The following NR4A3 variants were observed in gnomAD, a reference collection of about 807,000 sequenced individuals.
NR4A3 encodes the protein chondrosarcoma, extraskeletal myxoid, fused to EWS.
In NR4A3, 13 loss-of-function variants were observed where a neutral mutation model predicts 55.6. That is an observed-to-expected ratio of 0.23 (90% CI 0.15 to 0.37). The LOEUF (loss-of-function observed/expected upper bound fraction) is 0.37, where lower values mean the gene tolerates loss of function less well. Among genes scored for constraint, NR4A3 ranks in the 10% least tolerant of loss-of-function variants. NR4A3 has a pLI of 1.00. For synonymous variants in NR4A3, 342 were observed against 357.9 expected, an observed-to-expected ratio of 0.96 and a Z score of 0.50; for missense variants, 646 against 822.8, an observed-to-expected ratio of 0.79 and a Z score of 2.63.
chr9:99,842,128 A>G (rs200566051), intron 5 of NR4A3, among the ~76,000 whole-genome samples: 1 of 85,164 alleles, frequency 1.2e-5, no homozygotes, highest in Non-Finnish European at 2.6e-5. Flanking sequence ...TTTTTTTTTT[A>G]GTTATTTAAT....
chr9:99,833,197 A>G, intron 4 of NR4A3, 85 bp from the exon 5 acceptor site: 6 of 1,482,866 alleles, frequency 4.0e-6, no homozygotes, highest in Non-Finnish European at 5.4e-6. Flanking sequence ...GCTCAACTGT[A>G]ATGTGTTTTT....
At chr9:99,860,252 G>A (rs912237197) in intron 7 of NR4A3, among the ~76,000 whole-genome samples, 1 of 149,062 alleles carries the variant, frequency 6.7e-6, no homozygotes. Flanking sequence ...CTTCACATTT[G>A]TTCTGTTTGA....
intron 4 of NR4A3, 25 bp downstream of exon 4, chr9:99,832,843 A>G (rs1232087334): frequency 2.0e-6 from 3 of 1,471,662 alleles, no homozygotes; most frequent in Admixed American, 2.1e-5. Context: ...CTTTTTACCC[A>G]GTTTGCTTAT....
At chr9:99,827,926 G>A in intron 2 of NR4A3, 115 bp from the exon 3 acceptor site, 1 of 1,250,970 alleles carries the variant, frequency 8.0e-7, no homozygotes, top group Non-Finnish European at 1.1e-6. Context: ...AAGGAGGAGA[G>A]GATGACACTT....
In NR4A3 at chr9:99,828,776, T is replaced by TGCCGCTGGCCAAGAGGGCGGC. The variant is rs1296026031; in HGVS notation, c.735_755dup (p.Lys249_Ala255dup). 3 of 1,448,646 alleles carry TGCCGCTGGCCAAGAGGGCGGC rather than the reference T, an allele frequency of 2.1e-6. No individual in the cohort carries two copies. In the South Asian group the frequency reaches 4.0e-5, roughly 19 times the overall value. The allele number at this position is 1,448,646 out of a possible 1,614,324, so 89.7% of individuals were successfully genotyped here. A position where few individuals can be genotyped will look rare whatever the true frequency, so the allele number is the denominator to read the frequency against. On this transcript the variant is annotated inframe_insertion, in exon 3 of 8. Transcript: ENST00000395097. The surrounding 1 kb of genome is among the most constrained non-coding windows in gnomAD (Gnocchi z 7.7). ...GCGCTTGAGAGCCACCCGTACGGGC[T>TGCCGCTGGCCAAGAGGGCGGC]GCCGCTGGCCAAGAGGGCGGCCCCG...
Position 99,863,643 on chromosome 9 carries a change from A to G in NR4A3, c.1657A>G (p.Lys553Glu). 1 of 1,613,896 alleles carries G rather than the reference A, an allele frequency of 6.2e-7. No individual in the cohort carries two copies. Among genetic ancestry groups the G allele is most frequent in the Non-Finnish European group, 8.5e-7 (1 of 1,179,908 alleles). ...ITERHGLKEP[K>E]RVEELCNKIT... The stretch of plus-strand genomic sequence containing the variant: ...AGAAAGACATGGGTTAAAAGAACCA[A>G]AGAGAGTCGAAGAGCTATGCAACAA... The change falls in exon 8 of 8, where the codon AAG (lysine) becomes GAG (glutamate). Residue 553 changes from lysine (K) to glutamate (E), a missense_variant. By Grantham distance (56) the Lys-to-Glu change is moderately conservative. Coordinates refer to ENST00000395097, the MANE Select transcript of NR4A3 (RefSeq NM_006981.4).
At chr9:99,852,830 C>T (rs578244718) in intron 7 of NR4A3, among the ~76,000 whole-genome samples, 11 of 152,330 alleles carry the variant, frequency 7.2e-5, no homozygotes, top group Admixed American at 3.9e-4. Flanking sequence ...TGGCTGACCA[C>T]GGCACACCCT....
chr9:99,853,321 CTTTTTT>C (rs71370971), intron 7 of NR4A3, among the ~76,000 whole-genome samples: 3 of 123,402 alleles, frequency 2.4e-5, no homozygotes, highest in East Asian at 2.4e-4. Flanking sequence ...TAGGGAATTT[CTTTTTT>C]TTTTTTTTTT....
intron 6 of NR4A3, among the ~76,000 whole-genome samples, chr9:99,846,000 T>C (rs1237087313): frequency 6.6e-6 from 1 of 152,220 alleles, no homozygotes; most frequent in Non-Finnish European, 1.5e-5. Flanking sequence ...GTAAGCTCCA[T>C]GCAGGCAGGT....
intron 3 of NR4A3, among the ~76,000 whole-genome samples, chr9:99,830,788 G>T (rs893633169): frequency 6.6e-6 from 1 of 152,026 alleles, no homozygotes; most frequent in Non-Finnish European, 1.5e-5. Flanking sequence ...CAGCAGAAAG[G>T]GGGAAAGAAA....
At chr9:99,837,160 A>AATTGTTTCC in intron 5 of NR4A3, among the ~76,000 whole-genome samples, 1 of 152,100 alleles carries the variant, frequency 6.6e-6, no homozygotes, top group African/African-American at 2.4e-5. Context: ...TCACTTTTTA[A>AATTGTTTCC]ATTGTTTCCT....
chr9:99,848,624 G>A (rs1027610590), intron 7 of NR4A3, among the ~76,000 whole-genome samples: 4 of 152,152 alleles, frequency 2.6e-5, no homozygotes, highest in Admixed American at 1.3e-4. Flanking sequence ...GATTCCTGGC[G>A]TGAGCCACCA....
intron 7 of NR4A3, among the ~76,000 whole-genome samples, chr9:99,848,770 C>T (rs745756631): frequency 1.3e-5 from 2 of 152,174 alleles, no homozygotes; most frequent in South Asian, 2.1e-4. Context: ...TGGAGAAAGG[C>T]GCGTGTTGGG....
At chr9:99,842,120 T>TTG (rs1312865820) in intron 5 of NR4A3, among the ~76,000 whole-genome samples, 1 of 151,606 alleles carries the variant, frequency 6.6e-6, no homozygotes, top group Non-Finnish European at 1.5e-5. Flanking sequence ...TTTTTTTTTT[T>TTG]TTTTTTTAGT....
At chr9:99,837,765 A>C (rs1827586313) in intron 5 of NR4A3, among the ~76,000 whole-genome samples, 1 of 152,206 alleles carries the variant, frequency 6.6e-6, no homozygotes, top group African/African-American at 2.4e-5. Context: ...CAATTTATTA[A>C]AGATGCTAGC....
intron 5 of NR4A3, among the ~76,000 whole-genome samples, chr9:99,837,581 G>T (rs1353208093): frequency 6.6e-6 from 1 of 150,922 alleles, no homozygotes; most frequent in Admixed American, 6.6e-5. Context: ...TATCCATTGG[G>T]GTTTTTTTTT....
intron 7 of NR4A3, among the ~76,000 whole-genome samples, chr9:99,851,032 C>T (rs1827840413): frequency 6.6e-6 from 1 of 152,210 alleles, no homozygotes; most frequent in Non-Finnish European, 1.5e-5. Context: ...AATTAAGCTG[C>T]ACTTAACAAG....
intron 2 of NR4A3, among the ~76,000 whole-genome samples, chr9:99,827,286 GTGTGTATA>G (rs1564029326): frequency 7.3e-6 from 1 of 137,354 alleles, no homozygotes; most frequent in Admixed American, 7.5e-5. Context: ...GTGTGTGTGT[GTGTGTATA>G]TATATATATA....
chr9:99,852,561 G>A (rs1827867900), intron 7 of NR4A3, among the ~76,000 whole-genome samples: 1 of 152,186 alleles, frequency 6.6e-6, no homozygotes, highest in African/African-American at 2.4e-5. Flanking sequence ...TACAGAAATA[G>A]GGGAAATAAG....
Sources: allele counts gnomAD v4.1 joint callset (sites outside exome capture counted in the v4.1 genomes callset), GRCh38; gene constraint gnomAD v4.1.1; non-coding constraint Gnocchi (gnomAD v3.1); transcripts MANE v1.5; gene names NCBI Gene and HGNC (gene_info 2026-07-23, HGNC 2026-07-21).